Variants in KCNMB4 observed in about 807,000 individuals in gnomAD.
The protein encoded by KCNMB4 is calcium-activated potassium channel subunit beta-4.
Under a neutral mutation model 20.7 loss-of-function variants are expected in KCNMB4, and 3 were observed. That is an observed-to-expected ratio of 0.14 (90% confidence interval 0.07 to 0.37). The LOEUF (loss-of-function observed/expected upper bound fraction) is 0.37, where lower values mean the gene tolerates loss of function less well. KCNMB4 is among the 10% of genes least tolerant of loss of function. The pLI is 1.00. For synonymous variants in KCNMB4, 110 were observed against 113.4 expected (o/e 0.97, Z 0.19); for missense variants, 168 against 265.9 (o/e 0.63, Z 2.56).
intron 1 of KCNMB4, among the ~76,000 whole-genome samples, chr12:70,372,118 G>A (rs1883607021): frequency 6.6e-6 from 1 of 152,118 alleles, no homozygotes; most frequent in Non-Finnish European, 1.5e-5. Flanking sequence ...ACCAGCTGAG[G>A]AAATAGCACA....
intron 1 of KCNMB4, among the ~76,000 whole-genome samples, chr12:70,394,618 C>T (rs148810026): frequency 0.011 from 1,729 of 151,994 alleles, 37 homozygotes; most frequent in African/African-American, 0.039. Context: ...TGTGTGTGTG[C>T]GCGCCCATGC....
Position 70,433,091 on chromosome 12 carries a change from T to C in KCNMB4, c.*2438T>C, listed in dbSNP as rs994873931. ...CATGTAGTCTTAAGGTCTTACTTGC[T>C]TACAGCCAATTAAATTTGAAGCACC... is the stretch of plus-strand genomic sequence containing the variant. On this transcript the variant is annotated 3_prime_UTR_variant, in exon 3 of 3. Coordinates refer to ENST00000258111, the MANE Select transcript of KCNMB4 (RefSeq NM_014505.6). The C allele has an allele frequency of 6.6e-6, 1 of 152,104 alleles. No individual in the cohort carries two copies. Among genetic ancestry groups the C allele is most frequent in the Non-Finnish European group, 1.5e-5 (1 of 68,022 alleles). 9.4% of individuals were successfully genotyped at this position (152,104 alleles called of 1,614,324 possible). A position where few individuals can be genotyped will look rare whatever the true frequency, so the allele number is the denominator to read the frequency against.
At chr12:70,380,895 A>G (rs1883774076) in intron 1 of KCNMB4, among the ~76,000 whole-genome samples, 2 of 152,212 alleles carry the variant, frequency 1.3e-5, no homozygotes, top group African/African-American at 4.8e-5. Flanking sequence ...GGACAAATAG[A>G]TATGTTGGAC....
intron 2 of KCNMB4, among the ~76,000 whole-genome samples, chr12:70,417,864 A>G (rs1362270283): frequency 6.6e-6 from 1 of 152,136 alleles, no homozygotes; most frequent in African/African-American, 2.4e-5. Flanking sequence ...TACTGGGAAA[A>G]AAATCCAGGT....
chr12:70,430,857 G>A lies in KCNMB4; in HGVS notation c.*204G>A, dbSNP rs1459261176. The A allele has an allele frequency of 2.4e-5, 12 of 503,784 alleles. No individual in the cohort carries two copies. Among genetic ancestry groups the A allele is most frequent in the Non-Finnish European group, 3.8e-5 (11 of 290,852 alleles). 31.2% of individuals were successfully genotyped at this position (503,784 alleles called of 1,614,324 possible). On this transcript the variant is annotated 3_prime_UTR_variant, in exon 3 of 3. Transcript: ENST00000258111. ...TTGTATTCCATCTGCTGTAGCAATG[G>A]CTAAAGGGTCAAGATCTTAGCTGTA...
At position 70,432,278 on chromosome 12, in the gene KCNMB4, C is replaced by T. The variant is rs1423507060; in HGVS notation, c.*1625C>T. On this transcript the variant is annotated 3_prime_UTR_variant, in exon 3 of 3. Coordinates refer to ENST00000258111, the MANE Select transcript of KCNMB4 (RefSeq NM_014505.6). ...ATCTCCTGACCTTGTGATCTGCCCA[C>T]TTCACCTCCCAAAGTGCTGGGATTA... The T allele has an allele frequency of 1.3e-5, 2 of 152,262 alleles. No homozygotes were observed. Among genetic ancestry groups the T allele is most frequent in the Non-Finnish European group, 2.9e-5 (2 of 68,124 alleles). The allele number at this position is 152,262 out of a possible 1,614,324, so 9.4% of individuals were successfully genotyped here.
chr12:70,373,147 A>T (rs532792745), intron 1 of KCNMB4, among the ~76,000 whole-genome samples: 1 of 152,324 alleles, frequency 6.6e-6, no homozygotes, highest in Non-Finnish European at 1.5e-5. Flanking sequence ...GATACTGGGA[A>T]GCCATGGTAG....
chr12:70,418,346 G>A (rs1020980498), intron 2 of KCNMB4, among the ~76,000 whole-genome samples: 1 of 152,022 alleles, frequency 6.6e-6, no homozygotes, highest in Non-Finnish European at 1.5e-5. Flanking sequence ...CGAGGGCTGA[G>A]AACATGATTC....
intron 2 of KCNMB4, among the ~76,000 whole-genome samples, chr12:70,422,109 G>A (rs1469797703): frequency 6.6e-6 from 1 of 151,948 alleles, no homozygotes; most frequent in Non-Finnish European, 1.5e-5. Flanking sequence ...ATCAAATTTG[G>A]AACTACAAAG....
At chr12:70,401,096 G>A (rs1022391934) in intron 2 of KCNMB4, among the ~76,000 whole-genome samples, 3 of 152,110 alleles carry the variant, frequency 2.0e-5, no homozygotes, top group Admixed American at 6.5e-5. Context: ...CGAGATCTTG[G>A]CTCACTGCAG....
At chr12:70,409,791 C>T (rs762154808) in intron 2 of KCNMB4, among the ~76,000 whole-genome samples, 2 of 152,088 alleles carry the variant, frequency 1.3e-5, no homozygotes, top group African/African-American at 2.4e-5. Context: ...CTACCATGTG[C>T]CAATGTTCTG....
intron 2 of KCNMB4, among the ~76,000 whole-genome samples, chr12:70,429,020 G>A (rs1010549324): frequency 6.6e-6 from 1 of 152,224 alleles, no homozygotes; most frequent in African/African-American, 2.4e-5. Context: ...AGGAAAAAAT[G>A]CAAGGATTTT....
At chr12:70,389,846 A>G (rs710662) in intron 1 of KCNMB4, among the ~76,000 whole-genome samples, 27,966 of 152,040 alleles carry the variant, frequency 0.18, 4,872 homozygotes, top group African/African-American at 0.46. Context: ...CTCTTTCTTA[A>G]TTTATTTCTT....
chr12:70,400,173 A>T, intron 1 of KCNMB4, 36 bp from the exon 2 acceptor site: 1 of 1,486,168 alleles, frequency 6.7e-7, no homozygotes, highest in Non-Finnish European at 9.1e-7. Flanking sequence ...TGTTCCATAA[A>T]ATAATAGGTT....
intron 2 of KCNMB4, among the ~76,000 whole-genome samples, chr12:70,421,439 G>A (rs941130945): frequency 2.2e-5 from 3 of 138,598 alleles, no homozygotes; most frequent in African/African-American, 8.1e-5. Context: ...ACTCCAGCCT[G>A]GGCGACAGAG....
chr12:70,399,549 T>C (rs548334960), intron 1 of KCNMB4, among the ~76,000 whole-genome samples: 90 of 152,352 alleles, frequency 5.9e-4, no homozygotes, highest in African/African-American at 2.1e-3. Context: ...CGAGAGTTCA[T>C]TTTAACATCT....
chr12:70,383,809 C>G (rs968624028), intron 1 of KCNMB4, among the ~76,000 whole-genome samples: 3 of 152,216 alleles, frequency 2.0e-5, no homozygotes, highest in African/African-American at 7.2e-5. Flanking sequence ...TGGCTTACGC[C>G]TGTAATCCCA....
chr12:70,394,049 A>G (rs2136126413), intron 1 of KCNMB4, among the ~76,000 whole-genome samples: 1 of 152,320 alleles, frequency 6.6e-6, no homozygotes, highest in South Asian at 2.1e-4. Flanking sequence ...GTAGTCACAA[A>G]GCACTTTGTA....
At chr12:70,401,738 A>G (rs932650623) in intron 2 of KCNMB4, among the ~76,000 whole-genome samples, 1 of 151,100 alleles carries the variant, frequency 6.6e-6, no homozygotes. Flanking sequence ...CCTCCCTCAC[A>G]TGCCCAGCAG....
Sources: allele counts gnomAD v4.1 joint callset (sites outside exome capture counted in the v4.1 genomes callset), GRCh38; gene constraint gnomAD v4.1.1; transcripts MANE v1.5; gene names NCBI Gene and HGNC (gene_info 2026-07-23, HGNC 2026-07-21).